Variants in MED16 observed in about 807,000 individuals in gnomAD.
The protein encoded by MED16 is mediator complex subunit 16.
In MED16, 81 loss-of-function variants were observed where a neutral mutation model predicts 84.4. That is an observed-to-expected ratio of 0.96 (90% CI 0.80 to 1.15). MED16 has a LOEUF of 1.15. Among genes scored for constraint, MED16 ranks in the 50% most tolerant of loss-of-function variants. MED16 has a pLI of 0.00. For missense variants in MED16, 1,585 were observed against 1,245.9 expected (o/e 1.27, Z -4.10); for synonymous variants, 897 against 552.2 (o/e 1.62, Z -8.76).
chr19:875,870 T>G (rs2036218155), intron 9 of MED16, among the ~76,000 whole-genome samples: 1 of 151,920 alleles, frequency 6.6e-6, no homozygotes, highest in South Asian at 2.1e-4. Flanking sequence ...GCTGAAGCAT[T>G]TTGGGAGGCT....
At chr19:884,399 G>A (rs1599339131) in intron 6 of MED16, among the ~76,000 whole-genome samples, 1 of 152,120 alleles carries the variant, frequency 6.6e-6, no homozygotes, top group South Asian at 2.1e-4. Context: ...GGGGGCCCCA[G>A]AAGAGGCTGC....
At chr19:881,537 GC>G in intron 7 of MED16, 21 bp downstream of exon 7, 1 of 1,598,040 alleles carries the variant, frequency 6.3e-7, no homozygotes, top group East Asian at 2.2e-5. Flanking sequence ...GCCCCGCGTG[GC>G]TGCCGCTGGC....
chr19:876,557 C>T (rs936081214), intron 9 of MED16, among the ~76,000 whole-genome samples: 2 of 152,082 alleles, frequency 1.3e-5, no homozygotes, highest in Non-Finnish European at 2.9e-5. Context: ...GAAGAAACTT[C>T]CCAGGTAAGG....
intron 2 of MED16, 154 bp from the exon 3 acceptor site, chr19:890,398 T>C: frequency 1.8e-6 from 1 of 569,584 alleles, no homozygotes. Context: ...GGGAACAGGC[T>C]GTCCCCCCGC....
At position 875,371 on chromosome 19, in the gene MED16, G is replaced by A. The variant is rs1037748145; in HGVS notation, c.1644C>T (p.His548=). The change falls in exon 10 of 16, where the codon CAC becomes CAT. Residue 548 remains histidine (H), a synonymous_variant. Coordinates refer to ENST00000325464, the MANE Select transcript of MED16 (RefSeq NM_005481.3). ...TGATGGCGATGAGGAAGAGCTTGGT[G>A]TGGTAGTCGCACACGCGGGTCACCG... ...PCTVTRVCDY[H]TKLFLIAISS... is the part of the protein sequence containing the mutation. 10 of 1,609,782 alleles carry A rather than the reference G, an allele frequency of 6.2e-6. No individual in the cohort carries two copies. The highest frequency in any genetic ancestry group is 8.5e-6 in the Non-Finnish European group (10 of 1,179,776).
At position 877,004 on chromosome 19, in the gene MED16, C is replaced by T; in HGVS notation, c.1530G>A (p.Glu510=). 3.1e-6 allele frequency: 5 copies of T among 1,611,978 alleles called. No homozygotes were observed. In the South Asian group the frequency reaches 5.5e-5, roughly 18 times the overall value. ...GCAGGGCAGCGGTCTGGCGCGTGTA[C>T]TCCTCGTGCAGCTTCTCCACCAGGC... is the stretch of plus-strand genomic sequence containing the variant. ...VQSLVEKLHE[E]YTRQTAALQQ... is the part of the protein sequence containing the mutation. The change falls in exon 9 of 16, where the codon GAG becomes GAA. Residue 510 remains glutamate, a synonymous_variant. Transcript: ENST00000325464.
intron 14 of MED16, 81 bp from the exon 15 acceptor site, chr19:868,580 G>T: frequency 1.3e-6 from 2 of 1,557,068 alleles, no homozygotes; most frequent in Non-Finnish European, 1.7e-6. Context: ...CTTCCAGGCA[G>T]GTCTCCCTCT....
At position 890,374 on chromosome 19, in the gene MED16, G is replaced by A. The variant is rs141659212; in HGVS notation, c.170-130C>T. ...GAAGGTCACAGAACTGCTGTCAGCC[G>A]AGTCGACAGCTCAGGGAACAGGCTG... is the stretch of plus-strand genomic sequence containing the variant. On this transcript the variant is annotated intron_variant, in intron 2 of 15. Transcript: ENST00000325464. 592 of 617,168 alleles carry A rather than the reference G, an allele frequency of 9.6e-4. 11 individuals are homozygous for A. The East Asian group carries it at 0.016, about 17-fold the overall frequency. The allele number at this position is 617,168 out of a possible 1,614,324, so 38.2% of individuals were successfully genotyped here.
intron 6 of MED16, 39 bp downstream of exon 6, chr19:884,861 CGAG>C: frequency 6.6e-7 from 1 of 1,521,252 alleles, no homozygotes; most frequent in Non-Finnish European, 8.9e-7. Context: ...CAACCGCCCC[CGAG>C]GGCAGGCCCA....
chr19:870,167 G>C (rs937623649), intron 13 of MED16, among the ~76,000 whole-genome samples: 4 of 152,210 alleles, frequency 2.6e-5, no homozygotes, highest in Admixed American at 2.0e-4. Context: ...TCCATCCACA[G>C]AGGGATCTAC....
chr19:885,671 AGCCCGTGGAGGCCC>A (rs2036510705), intron 5 of MED16, 85 bp downstream of exon 5: 2 of 1,386,672 alleles, frequency 1.4e-6, no homozygotes, highest in African/African-American at 2.8e-5. Context: ...ACCACGGTTT[AGCCCGTGGAGGCCC>A]GCGCGGGTCT....
chr19:876,098 G>C (rs1326370654), intron 9 of MED16, among the ~76,000 whole-genome samples: 2 of 152,172 alleles, frequency 1.3e-5, no homozygotes, highest in Admixed American at 6.5e-5. Flanking sequence ...CCCCGCCTGG[G>C]TCTCACGCGT....
chr19:879,641 C>G (rs2036366136), intron 8 of MED16, among the ~76,000 whole-genome samples: 1 of 138,686 alleles, frequency 7.2e-6, no homozygotes, highest in Non-Finnish European at 1.6e-5. Flanking sequence ...CGTGCCCCAG[C>G]AGCTCACGTT....
chr19:871,024 G>T lies in MED16; in HGVS notation c.2315+13C>A. On this transcript the variant is annotated intron_variant, in intron 13 of 15. Transcript: ENST00000325464. ...AGTCCTGTGTTTGGGGACCAATGCA[G>T]GGACACACGCACCTGGCGAGGCCGT... 1 of 1,535,816 alleles carries T rather than the reference G, an allele frequency of 6.5e-7. No individual in the cohort carries two copies.
At chr19:888,659 T>C (rs1428278496) in intron 4 of MED16, among the ~76,000 whole-genome samples, 1 of 151,798 alleles carries the variant, frequency 6.6e-6, no homozygotes, top group African/African-American at 2.4e-5. Context: ...GTCTGTGAAC[T>C]CCATCCCGAC....
Position 870,558 on chromosome 19 carries a change from C to T in MED16, c.2315+479G>A, listed in dbSNP as rs539234683. On this transcript the variant is annotated intron_variant, in intron 13 of 15. Transcript: ENST00000325464. ...CCTGGGCAACAGAGTGAGACCCTGT[C>T]GGGGAGACAAAAAAAAAAAAAAAAA... is the stretch of plus-strand genomic sequence containing the variant. Among the ~76,000 whole-genome samples, 119 of 103,984 alleles carry T rather than the reference C, an allele frequency of 1.1e-3. 1 individual carries two copies. In the East Asian group the frequency reaches 0.022, roughly 19 times the overall value. The allele number at this position is 103,984 out of a possible 152,430, so 68.2% of individuals were successfully genotyped here.
chr19:889,495 T>A, intron 4 of MED16, 143 bp downstream of exon 4: 1 of 894,276 alleles, frequency 1.1e-6, no homozygotes, highest in Non-Finnish European at 1.7e-6. Flanking sequence ...CAGGTGCTAA[T>A]GACAGCCGGA....
chr19:879,383 C>T (rs1421205695), intron 8 of MED16, among the ~76,000 whole-genome samples: 7 of 135,974 alleles, frequency 5.1e-5, no homozygotes, highest in South Asian at 2.5e-4. Flanking sequence ...CCCAGCCGCA[C>T]ATGCCCCAGC....
chr19:870,196 G>A (rs144329323), intron 13 of MED16, among the ~76,000 whole-genome samples: 1 of 152,138 alleles, frequency 6.6e-6, no homozygotes, highest in African/African-American at 2.4e-5. Flanking sequence ...CTGACATCCA[G>A]GGGGGCCAGA....
Sources: gnomAD v4.1 joint callset for allele counts (sites outside exome capture counted in the v4.1 genomes callset) on GRCh38, gnomAD v4.1.1 for gene constraint, MANE v1.5 for transcripts, NCBI Gene and HGNC (gene_info 2026-07-23, HGNC 2026-07-21) for gene names.